CYP3A7: variants seen among roughly 807,000 people sequenced by gnomAD.
The protein encoded by CYP3A7 is cytochrome P450 3A7.
Under a neutral mutation model 55.2 loss-of-function variants are expected in CYP3A7, and 45 were observed. The ratio of observed to expected loss-of-function variants is 0.82; its 90% confidence interval spans 0.64 to 1.05. CYP3A7 has a LOEUF of 1.05. CYP3A7 is among the 50% of genes least tolerant of loss of function. CYP3A7 has a pLI of 0.00. For missense variants in CYP3A7, 548 were observed against 605.3 expected (o/e 0.91, Z 0.99); for synonymous variants, 180 against 207.4 (o/e 0.87, Z 1.13).
intron 8 of CYP3A7, 91 bp downstream of exon 8, chr7:99,714,464 A>G (rs1813862620): frequency 6.4e-7 from 1 of 1,560,706 alleles, no homozygotes; most frequent in Non-Finnish European, 8.7e-7. Context: ...ATCTTTCTCT[A>G]AAAACATACA....
At chr7:99,707,288 C>A (rs45593341) in intron 12 of CYP3A7, among the ~76,000 whole-genome samples, 12,349 of 152,190 alleles carry the variant, frequency 0.081, 639 homozygotes, top group African/African-American at 0.13. Context: ...CTTGGCTTCA[C>A]ATGAGAAGCA....
chr7:99,707,769 ATAAT>A (rs1813579803), intron 12 of CYP3A7, 39 bp downstream of exon 12: 1 of 1,612,028 alleles, frequency 6.2e-7, no homozygotes. Context: ...TTCAGTTAAA[ATAAT>A]TGTTAATAAA....
At chr7:99,716,221 G>A (rs558018974) in intron 6 of CYP3A7, among the ~76,000 whole-genome samples, 72 of 152,250 alleles carry the variant, frequency 4.7e-4, no homozygotes, top group African/African-American at 1.5e-3. Flanking sequence ...AATTGTGGAT[G>A]ATACAAGATG....
At position 99,712,167 on chromosome 7, in the gene CYP3A7, G is replaced by A. The variant is rs148945130; in HGVS notation, c.866-1275C>T. Among the ~76,000 whole-genome samples, 283 of 152,242 alleles carry A rather than the reference G, an allele frequency of 1.9e-3. 1 individual carries two copies. The highest frequency in any genetic ancestry group is 6.5e-3 in the African/African-American group (270 of 41,534). On this transcript the variant is annotated intron_variant, in intron 9 of 12. Transcript: ENST00000336374. ...CTGGATTAGGACATTTAGAGACCGG[G>A]AACACAGAAATAAATATAGTGCCTG...
intron 3 of CYP3A7, among the ~76,000 whole-genome samples, chr7:99,721,635 C>T (rs1254137149): frequency 7.2e-5 from 11 of 152,176 alleles, no homozygotes; most frequent in Admixed American, 7.2e-4. Flanking sequence ...CTAGTTTAGA[C>T]CGAAGACCTC....
chr7:99,705,664 T>TA (rs4646467), intron 12 of CYP3A7, 69 bp from the exon 13 acceptor site: 150 of 1,559,686 alleles, frequency 9.6e-5, no homozygotes, highest in Middle Eastern at 2.3e-4. Context: ...AGCATCAAAG[T>TA]AAAAAAAAAT....
chr7:99,705,722 A>G (rs1003813155), intron 12 of CYP3A7, 127 bp from the exon 13 acceptor site: 2 of 1,182,806 alleles, frequency 1.7e-6, no homozygotes, highest in Admixed American at 2.1e-5. Context: ...TTTCAGCACT[A>G]TAAATCTTGG....
chr7:99,735,058 C>G lies in CYP3A7; in HGVS notation c.36G>C (p.Trp12Cys). ...GTATCAGGCTGACAGCCAGGAGAAG[C>G]CAGGTTTCCACGGCCAAGTTTGGGA... ...DLIPNLAVET[W>C]LLLAVSLILL... is the part of the protein sequence containing the mutation. The change falls in exon 1 of 13, where the codon TGG becomes TGC. Residue 12 changes from tryptophan to cysteine, a missense_variant. Physicochemically the swap from Trp to Cys is radical, Grantham distance 215. Coordinates refer to ENST00000336374, the MANE Select transcript of CYP3A7 (RefSeq NM_000765.5). 2 of 1,614,094 alleles carry G rather than the reference C, an allele frequency of 1.2e-6. No homozygotes were observed. The highest frequency in any genetic ancestry group is 1.7e-6 in the Non-Finnish European group (2 of 1,179,992).
Position 99,709,125 on chromosome 7 carries a change from A to G in CYP3A7, c.1163T>C (p.Ile388Thr), listed in dbSNP as rs1182508449. The change falls in exon 11 of 13, where the codon ATT (isoleucine) becomes ACT (threonine). Residue 388 changes from isoleucine (I) to threonine (T), a missense_variant. Ile to Thr is a moderately conservative substitution (Grantham distance 89). Transcript: ENST00000336374. ...AATCATCACCACCACCCCTTTGGGAATAAACATCCCATTGATTTCAACATC... is the reference window on the plus strand; with the variant it reads ...AATCATCACCACCACCCCTTTGGGAGTAAACATCCCATTGATTTCAACATC... ...KKDVEINGMF[I>T]PKGVVVMIPS... is the part of the protein sequence containing the mutation. 5.0e-6 allele frequency: 8 copies of G among 1,614,008 alleles called. No individual in the cohort carries two copies. The highest frequency in any genetic ancestry group is 6.8e-6 in the Non-Finnish European group (8 of 1,179,926).
intron 10 of CYP3A7, among the ~76,000 whole-genome samples, chr7:99,709,984 A>G (rs748867844): frequency 1.6e-4 from 25 of 152,192 alleles, no homozygotes; most frequent in Non-Finnish European, 3.1e-4. Context: ...AGGCAAAGTT[A>G]TGAAAAGGAT....
At chr7:99,726,128 G>A (rs745955241) in intron 2 of CYP3A7, among the ~76,000 whole-genome samples, 29 of 151,992 alleles carry the variant, frequency 1.9e-4, no homozygotes, top group Non-Finnish European at 4.0e-4. Flanking sequence ...CCTCCTTCGT[G>A]TCTTCCTCTT....
intron 2 of CYP3A7, among the ~76,000 whole-genome samples, chr7:99,729,791 C>T (rs924406572): frequency 2.6e-5 from 4 of 152,128 alleles, no homozygotes; most frequent in Non-Finnish European, 2.9e-5. Context: ...CACTGCTTAC[C>T]CCACTCCTAT....
At chr7:99,725,765 G>A (rs1450497773) in intron 2 of CYP3A7, among the ~76,000 whole-genome samples, 2 of 152,178 alleles carry the variant, frequency 1.3e-5, no homozygotes, top group African/African-American at 2.4e-5. Flanking sequence ...CACCTCGGAA[G>A]CCCCCCGGAG....
At position 99,725,288 on chromosome 7, in the gene CYP3A7, C is replaced by T. The variant is rs1031369481; in HGVS notation, c.166-2940G>A. The stretch of plus-strand genomic sequence containing the variant: ...TATGCATTTTATGACCCAATCCTCT[C>T]CTGACATTAGAAAAAATCTCCAAAA... On this transcript the variant is annotated intron_variant, in intron 2 of 12. Coordinates refer to ENST00000336374, the MANE Select transcript of CYP3A7 (RefSeq NM_000765.5). 4.6e-5 allele frequency among the ~76,000 whole-genome samples: 7 copies of T among 152,274 alleles called. No homozygotes were observed. In the East Asian group the frequency reaches 7.7e-4, roughly 17 times the overall value.
intron 8 of CYP3A7, among the ~76,000 whole-genome samples, 182 bp from the exon 9 acceptor site, chr7:99,713,717 G>A (rs1212919732): frequency 6.6e-6 from 1 of 152,162 alleles, no homozygotes; most frequent in Non-Finnish European, 1.5e-5. Flanking sequence ...AAAGCAGGAT[G>A]TTTTCCTGAA....
At chr7:99,707,755 A>G in intron 12 of CYP3A7, 57 bp downstream of exon 12, 1 of 1,605,416 alleles carries the variant, frequency 6.2e-7, no homozygotes, top group Non-Finnish European at 8.5e-7. Context: ...AAATATATAG[A>G]CCATTCAGTT....
At position 99,729,741 on chromosome 7, in the gene CYP3A7, C is replaced by T. The variant is rs1365763793; in HGVS notation, c.165+1318G>A. On this transcript the variant is annotated intron_variant, in intron 2 of 12. Transcript: ENST00000336374. ...CCACCATGCACCTTGTGGCCCCCTC[C>T]ACTGCTGACAATGGATAACCACCTT... 4.6e-5 allele frequency among the ~76,000 whole-genome samples: 7 copies of T among 152,140 alleles called. No individual in the cohort carries two copies. In the East Asian group the frequency reaches 9.6e-4, roughly 21 times the overall value.
At chr7:99,730,732 G>T (rs1814579284) in intron 2 of CYP3A7, 2 of 299,646 alleles carry the variant, frequency 6.7e-6, no homozygotes, top group Non-Finnish European at 1.3e-5. Context: ...TACTAACTAA[G>T]TATGGCTGTA....
In CYP3A7 at chr7:99,731,040, G is replaced by T; in HGVS notation, c.165+19C>A. ...TTTGCAATCATAAGAAGCAAAAGAG[G>T]AAGCTCAAAAACACTCACCTTACGG... On this transcript the variant is annotated intron_variant, in intron 2 of 12. Coordinates refer to ENST00000336374, the MANE Select transcript of CYP3A7 (RefSeq NM_000765.5). 6.2e-7 allele frequency: 1 copy of T among 1,613,516 alleles called. No homozygotes were observed. Among genetic ancestry groups the T allele is most frequent in the Non-Finnish European group, 8.5e-7 (1 of 1,179,540 alleles).
Sources: allele counts gnomAD v4.1 joint callset (sites outside exome capture counted in the v4.1 genomes callset), GRCh38; gene constraint gnomAD v4.1.1; transcripts MANE v1.5; gene names NCBI Gene and HGNC (gene_info 2026-07-23, HGNC 2026-07-21).